Variants in SLC25A30 observed in about 807,000 individuals in gnomAD.
SLC25A30 encodes solute carrier family 25 member 30, also known as kidney mitochondrial carrier protein 1.
In SLC25A30, 29 loss-of-function variants were observed where a neutral mutation model predicts 42.7. The ratio of observed to expected loss-of-function variants is 0.68; its 90% CI spans 0.51 to 0.93. The LOEUF is 0.93. SLC25A30 is among the 40% of genes least tolerant of loss of function. The pLI is 0.00. For synonymous variants in SLC25A30, 124 were observed against 131.0 expected (o/e 0.95, Z 0.37); for missense variants, 300 against 359.7 (o/e 0.83, Z 1.34).
rs553306379 is a variant in SLC25A30 at position 45,395,793 on chromosome 13, C to T, written c.*181G>A. 422 of 1,474,718 alleles carry T rather than the reference C, an allele frequency of 2.9e-4. 1 individual carries two copies. The highest frequency in any genetic ancestry group is 2.1e-3 in the Middle Eastern group (11 of 5,272). 91.4% of individuals were successfully genotyped at this position (1,474,718 alleles called of 1,614,324 possible). A position where few individuals can be genotyped will look rare whatever the true frequency, so the allele number is the denominator to read the frequency against. On this transcript the variant is annotated 3_prime_UTR_variant, in exon 10 of 10. Transcript: ENST00000519676. Reference sequence around the variant, plus strand: ...TTGGATGTTAGTTTATGCCATTAAACGTTTGATGAAGAGCATCCAATGCCA... The same window carrying T: ...TTGGATGTTAGTTTATGCCATTAAATGTTTGATGAAGAGCATCCAATGCCA...
the SLC25A30 span, among the ~76,000 whole-genome samples, chr13:45,433,848 C>T: frequency 1.8e-3 from 275 of 152,272 alleles, no homozygotes; most frequent in African/African-American, 6.1e-3. Context: ...CAAACATTTC[C>T]GGAAGGAATA....
upstream of SLC25A30, among the ~76,000 whole-genome samples, chr13:45,422,816 T>C (rs1883922055): frequency 6.6e-6 from 1 of 152,086 alleles, no homozygotes; most frequent in Non-Finnish European, 1.5e-5. Context: ...GATACTCCCT[T>C]TTACCTCTGC....
intron 6 of SLC25A30, 99 bp from the exon 7 acceptor site, chr13:45,401,306 GT>G: frequency 7.8e-7 from 1 of 1,283,414 alleles, no homozygotes; most frequent in Non-Finnish European, 1.1e-6. Flanking sequence ...TATGATCAAG[GT>G]TTATCTTTTC....
intron 2 of SLC25A30, among the ~76,000 whole-genome samples, chr13:45,410,463 C>T (rs554490582): frequency 7.2e-5 from 11 of 152,100 alleles, no homozygotes; most frequent in Non-Finnish European, 1.5e-4. Context: ...GCTTGGGAGT[C>T]GAGACCAGCC....
rs1881151466 is a variant in SLC25A30, at chr13:45,394,234, C to T, written c.*1740G>A. On this transcript the variant is annotated 3_prime_UTR_variant, in exon 10 of 10. Transcript: ENST00000519676. ...TCTCAGCAATTAACAGGTAACCCTACCCCACTGCACCCCGCCCCCGCCCCC... is the reference window on the plus strand; with the variant it reads ...TCTCAGCAATTAACAGGTAACCCTATCCCACTGCACCCCGCCCCCGCCCCC... 6 of 984,114 alleles carry T rather than the reference C, an allele frequency of 6.1e-6. No homozygotes were observed. The highest frequency in any genetic ancestry group is 6.0e-6 in the Non-Finnish European group (5 of 829,132). 61.0% of individuals were successfully genotyped at this position (984,114 alleles called of 1,614,324 possible). A position where few individuals can be genotyped will look rare whatever the true frequency, so the allele number is the denominator to read the frequency against.
At chr13:45,424,106 AAT>A in the SLC25A30 span, among the ~76,000 whole-genome samples, 72 of 43,856 alleles carry the variant, frequency 1.6e-3, 1 homozygote, top group Non-Finnish European at 2.8e-3. Flanking sequence ...AATATATAAA[AAT>A]ATATATAAAT....
the SLC25A30 span, among the ~76,000 whole-genome samples, chr13:45,432,099 G>A: frequency 4.6e-5 from 7 of 151,716 alleles, no homozygotes; most frequent in South Asian, 4.2e-4. Context: ...GTGAAACCCC[G>A]TCTCTACTAA....
the SLC25A30 span, among the ~76,000 whole-genome samples, chr13:45,424,606 T>A: frequency 1.5e-4 from 8 of 55,100 alleles, 1 homozygote; most frequent in East Asian, 8.0e-4. Context: ...TAAATATATA[T>A]AAATATATAT....
At chr13:45,396,880 C>T (rs959908514) in intron 9 of SLC25A30, 2 of 182,074 alleles carry the variant, frequency 1.1e-5, no homozygotes, top group Non-Finnish European at 2.3e-5. Context: ...TGTTTATCTT[C>T]AGGCACTTTC....
Position 45,406,096 on chromosome 13 carries a change from T to C in SLC25A30, c.213-119A>G, listed in dbSNP as rs537891902. ...CTACATTCTCTAAAACAATTTTTTT[T>C]TTTTGAGACGGAGTTTCGCTCTGTC... On this transcript the variant is annotated intron_variant, in intron 3 of 9. Coordinates refer to ENST00000519676, the MANE Select transcript of SLC25A30 (RefSeq NM_001010875.4). 1,136 of 880,730 alleles carry C rather than the reference T, an allele frequency of 1.3e-3. 12 individuals carry two copies. In the South Asian group the frequency reaches 0.013, roughly 10 times the overall value. The allele number at this position is 880,730 out of a possible 1,614,324, so 54.6% of individuals were successfully genotyped here. A position where few individuals can be genotyped will look rare whatever the true frequency, so the allele number is the denominator to read the frequency against.
intron 2 of SLC25A30, among the ~76,000 whole-genome samples, chr13:45,410,533 G>A (rs1188922300): frequency 3.3e-5 from 5 of 151,940 alleles, no homozygotes; most frequent in East Asian, 1.9e-4. Context: ...GGGCGTGGTC[G>A]TGCACATCTG....
the SLC25A30 span, among the ~76,000 whole-genome samples, chr13:45,423,813 A>AATAT: frequency 9.8e-3 from 374 of 38,242 alleles, 3 homozygotes; most frequent in Non-Finnish European, 0.018. Flanking sequence ...TATATATATA[A>AATAT]AAATATAAAT....
intron 8 of SLC25A30, 24 bp from the exon 9 acceptor site, chr13:45,397,362 T>G: frequency 1.3e-6 from 2 of 1,533,642 alleles, no homozygotes; most frequent in South Asian, 2.3e-5. Flanking sequence ...AAAAAAAAGT[T>G]AACTTCCAAC....
intron 9 of SLC25A30, chr13:45,396,293 G>A: frequency 7.7e-7 from 1 of 1,306,326 alleles, no homozygotes; most frequent in Non-Finnish European, 9.8e-7. Context: ...CTTTGCTGTG[G>A]TGGAAAAACT....
the SLC25A30 span, among the ~76,000 whole-genome samples, chr13:45,429,056 CTTTTTTTTTT>C: frequency 8.5e-4 from 80 of 93,844 alleles, no homozygotes; most frequent in African/African-American, 3.2e-3. Flanking sequence ...TGTGCAAGCT[CTTTTTTTTTT>C]TTTTTTTTTT....
chr13:45,400,033 T>TATATATACAC (rs571184813), intron 7 of SLC25A30, among the ~76,000 whole-genome samples: 1 of 122,988 alleles, frequency 8.1e-6, no homozygotes, highest in Non-Finnish European at 1.7e-5. Flanking sequence ...TATATATATA[T>TATATATACAC]ACACACACAC....
intron 8 of SLC25A30, chr13:45,397,805 G>T: frequency 2.7e-6 from 2 of 747,026 alleles, no homozygotes; most frequent in South Asian, 1.2e-4. Context: ...GCTTGTGTGG[G>T]TGGAAGACTA....
At chr13:45,411,748 T>C (rs1283009715) in intron 1 of SLC25A30, 1 of 354,706 alleles carries the variant, frequency 2.8e-6, no homozygotes, top group Admixed American at 3.9e-5. Flanking sequence ...TATGCGTGTA[T>C]GTATTCAGTG....
chr13:45,402,840 G>T, intron 5 of SLC25A30: 1 of 985,316 alleles, frequency 1.0e-6, no homozygotes. Flanking sequence ...TGAACCAAAA[G>T]GTATGCAGGC....
Sources: allele counts gnomAD v4.1 joint callset (sites outside exome capture counted in the v4.1 genomes callset), GRCh38; gene constraint gnomAD v4.1.1; transcripts MANE v1.5; gene names NCBI Gene and HGNC (gene_info 2026-07-23, HGNC 2026-07-21).